The following RACGAP1 variants were observed in gnomAD, a reference collection of about 807,000 sequenced individuals.
RACGAP1 encodes Rac GTPase activating protein 1.
In RACGAP1, 30 loss-of-function variants were observed where a neutral mutation model predicts 78.1. The ratio of observed to expected loss-of-function variants is 0.38; its 90% CI spans 0.29 to 0.52. The LOEUF (loss-of-function observed/expected upper bound fraction) is 0.52. Among genes scored for constraint, RACGAP1 ranks in the 20% least tolerant of loss-of-function variants. The pLI is 0.82. For missense variants in RACGAP1, 587 were observed against 777.1 expected (o/e 0.76, Z 2.91); for synonymous variants, 231 against 264.8 (o/e 0.87, Z 1.24).
chr12:50,008,094 T>A (rs796072311), intron 2 of RACGAP1, among the ~76,000 whole-genome samples: 12 of 147,628 alleles, frequency 8.1e-5, no homozygotes, highest in African/African-American at 3.1e-4. Flanking sequence ...TCAGCTTAGT[T>A]TAAGTCAGAC....
intron 7 of RACGAP1, among the ~76,000 whole-genome samples, chr12:50,000,004 A>T (rs1209941263): frequency 1.1e-5 from 1 of 94,898 alleles, no homozygotes; most frequent in Non-Finnish European, 2.2e-5. Flanking sequence ...AGCATGCGCC[A>T]CCACACCTGA....
intron 2 of RACGAP1, among the ~76,000 whole-genome samples, chr12:50,007,894 CT>C (rs772417528): frequency 6.8e-6 from 1 of 147,540 alleles, no homozygotes; most frequent in African/African-American, 2.5e-5. Context: ...GAACATACTA[CT>C]TTTTTGTGGG....
chr12:50,009,082 G>C (rs1275290273), intron 2 of RACGAP1, among the ~76,000 whole-genome samples: 3 of 151,802 alleles, frequency 2.0e-5, no homozygotes, highest in African/African-American at 7.3e-5. Context: ...TTCAAGGCCA[G>C]CCTGGCCAAC....
chr12:50,029,901 T>A (rs1476175017), upstream of RACGAP1, among the ~76,000 whole-genome samples: 1 of 151,232 alleles, frequency 6.6e-6, no homozygotes, highest in South Asian at 2.1e-4. Flanking sequence ...TCAAAAAAAA[T>A]AAATAAATAA....
rs770446860 is a variant in RACGAP1, at chr12:49,994,495, G to A, written c.1059C>T (p.Asp353=). The A allele has an allele frequency of 7.2e-5, 116 of 1,612,684 alleles. No individual in the cohort carries two copies. Among genetic ancestry groups the A allele is most frequent in the Non-Finnish European group, 8.9e-5 (105 of 1,179,736 alleles). Reference sequence around the variant, plus strand: ...TCATTGGAGAAGTCTGGGACACAAAGTCTGCCAGCATTCCCTGGAAAAAAA... The same window carrying A: ...TCATTGGAGAAGTCTGGGACACAAAATCTGCCAGCATTCCCTGGAAAAAAA... ...PVKIGEGMLA[D]FVSQTSPMIP... The change falls in exon 11 of 17, where the codon GAC becomes GAT. Residue 353 remains aspartate, a synonymous_variant. Coordinates refer to ENST00000312377, the MANE Select transcript of RACGAP1 (RefSeq NM_001319999.2).
chr12:49,990,838 G>C, intron 15 of RACGAP1, 46 bp from the exon 16 acceptor site: 4 of 1,482,106 alleles, frequency 2.7e-6, no homozygotes, highest in Non-Finnish European at 3.8e-6. Flanking sequence ...AAAAAAGAAG[G>C]CATCTTTTTA....
At chr12:50,032,653 C>G (rs754060286) in intron 1 of RACGAP1, among the ~76,000 whole-genome samples, 5 of 152,072 alleles carry the variant, frequency 3.3e-5, no homozygotes, top group Admixed American at 6.5e-5. Flanking sequence ...CCTGGGGCTG[C>G]ACTTGTAACC....
At position 50,025,393 on chromosome 12, in the gene RACGAP1, C is replaced by G; in HGVS notation, c.-5+5G>C. The G allele has an allele frequency of 1.0e-6, 1 of 985,818 alleles. No homozygotes were observed. The highest frequency in any genetic ancestry group is 1.2e-6 in the Non-Finnish European group (1 of 830,222). The allele number at this position is 985,818 out of a possible 1,614,324, so 61.1% of individuals were successfully genotyped here. A position where few individuals can be genotyped will look rare whatever the true frequency, so the allele number is the denominator to read the frequency against. ...CGCACCTGGTCTGGCACCCCCACTA[C>G]TCACTTCAGTCAGCCTGGCCCCACC... On this transcript the variant is annotated splice_donor_5th_base_variant and intron_variant, in intron 1 of 16. Coordinates refer to ENST00000312377, the MANE Select transcript of RACGAP1 (RefSeq NM_001319999.2).
rs1592125663 is a variant in RACGAP1 at position 49,991,866 on chromosome 12, C to T, written c.1714+132G>A. 1.6e-5 allele frequency: 24 copies of T among 1,511,604 alleles called. No individual in the cohort carries two copies. In the East Asian group the frequency reaches 2.6e-4, roughly 16 times the overall value. The allele number at this position is 1,511,604 out of a possible 1,614,324, so 93.6% of individuals were successfully genotyped here. On this transcript the variant is annotated intron_variant, in intron 15 of 16. Coordinates refer to ENST00000312377, the MANE Select transcript of RACGAP1 (RefSeq NM_001319999.2). Reference sequence around the variant, plus strand: ...AACATGGAAAAGCAAAAAAAAATTACGATGGTAGAATTATACAAATTTTCC... The same window carrying T: ...AACATGGAAAAGCAAAAAAAAATTATGATGGTAGAATTATACAAATTTTCC...
chr12:50,031,695 A>G lies in RACGAP1; in HGVS notation c.-24+2T>C. The stretch of plus-strand genomic sequence containing the variant: ...CTCTTCACCAGGATAAGTTCTACTC[A>G]CCCTCTAGACAGTTTAAACTTAAAC... On this transcript the variant is annotated splice_donor_variant, in intron 2 of 3. Coordinates refer to the RACGAP1 transcript ENST00000548247. LOFTEE classifies it low-confidence loss of function (5UTR_SPLICE). 1.0e-6 allele frequency: 1 copy of G among 984,668 alleles called. No homozygotes were observed. 61.0% of individuals were successfully genotyped at this position (984,668 alleles called of 1,614,324 possible).
intron 2 of RACGAP1, among the ~76,000 whole-genome samples, chr12:50,014,825 TTGAGGTCA>T (rs1014196739): frequency 2.0e-5 from 3 of 151,726 alleles, no homozygotes; most frequent in Middle Eastern, 3.2e-3. Context: ...GGCTGATCAC[TTGAGGTCA>T]GGAGTTCAAG....
At chr12:49,992,714 C>G in intron 12 of RACGAP1, 59 bp from the exon 13 acceptor site, 1 of 1,366,428 alleles carries the variant, frequency 7.3e-7, no homozygotes, top group Non-Finnish European at 1.0e-6. Context: ...CAGCGGGCTT[C>G]CAAGTTATCG....
upstream of RACGAP1, among the ~76,000 whole-genome samples, chr12:50,028,110 C>T (rs1950297290): frequency 6.6e-6 from 1 of 152,076 alleles, no homozygotes; most frequent in South Asian, 2.1e-4. Flanking sequence ...GCTAACATGG[C>T]AAGCAGGATT....
At chr12:50,031,632 G>A in intron 2 of RACGAP1, 1 of 959,128 alleles carries the variant, frequency 1.0e-6, no homozygotes, top group Non-Finnish European at 1.2e-6. Context: ...CCTTCCCTGT[G>A]CGCCAGCACT....
rs1340171074 is a variant in RACGAP1 at position 49,990,361 on chromosome 12, T to A, written c.1824-18A>T. The A allele has an allele frequency of 6.3e-7, 1 of 1,591,920 alleles. No individual in the cohort carries two copies. Among genetic ancestry groups the A allele is most frequent in the South Asian group, 1.1e-5 (1 of 90,590 alleles). On this transcript the variant is annotated intron_variant, in intron 16 of 16. Transcript: ENST00000312377. Reference sequence around the variant, plus strand: ...TCCCAAATCTACAATAAAAAGAGAATGAACTGGAAAAATATTCTATAAAAA... The same window carrying A: ...TCCCAAATCTACAATAAAAAGAGAAAGAACTGGAAAAATATTCTATAAAAA...
chr12:50,025,520 T>G (rs1950242443), upstream of RACGAP1: 3 of 985,290 alleles, frequency 3.0e-6, no homozygotes, highest in South Asian at 1.4e-4. Context: ...ACAGAGAAAT[T>G]TATTCCTCCC....
At chr12:50,006,181 T>C (rs145126184) in intron 3 of RACGAP1, among the ~76,000 whole-genome samples, 1 of 152,208 alleles carries the variant, frequency 6.6e-6, no homozygotes, top group Non-Finnish European at 1.5e-5. Flanking sequence ...ATTCTTTAAG[T>C]TCTCATTTGA....
chr12:49,997,135 G>A lies in RACGAP1; in HGVS notation c.949C>T (p.Arg317Ter), dbSNP rs780103010. The change falls in exon 10 of 17, where the codon CGA becomes TGA. Residue 317 changes from arginine (R) to a stop codon, truncating the protein, a stop_gained. Transcript: ENST00000312377. LOFTEE classifies it high-confidence loss of function. Reference sequence around the variant, plus strand: ...GGATGAGAGACCACACGACAGTCTCGACACTTCAGAGATAATTTGCCAAAT... The same window carrying A: ...GGATGAGAGACCACACGACAGTCTCAACACTTCAGAGATAATTTGCCAAAT... Reference protein sequence around the residue: ...IKFGKLSLKCRDCRVVSHPEC... With the variant: ...IKFGKLSLKC 7 of 1,610,606 alleles carry A rather than the reference G, an allele frequency of 4.3e-6. No homozygotes were observed. Among genetic ancestry groups the A allele is most frequent in the East Asian group, 2.2e-5 (1 of 44,780 alleles).
intron 4 of RACGAP1, 82 bp downstream of exon 4, chr12:50,005,174 T>A: frequency 6.4e-7 from 1 of 1,574,050 alleles, no homozygotes; most frequent in Non-Finnish European, 8.6e-7. Context: ...CTAGAAGAAG[T>A]ATATTTAAGA....
Sources: allele counts gnomAD v4.1 joint callset (sites outside exome capture counted in the v4.1 genomes callset), GRCh38; gene constraint gnomAD v4.1.1; transcripts MANE v1.5; gene names NCBI Gene and HGNC (gene_info 2026-07-23, HGNC 2026-07-21).